Variants in DOCK8 observed in about 807,000 individuals in gnomAD.
DOCK8 encodes dedicator of cytokinesis 8.
DOCK8 carries 141 observed loss-of-function variants against 245.6 expected under a neutral mutation model. The observed-to-expected ratio is 0.57, with a 90% CI of 0.50 to 0.66. The LOEUF is 0.66. Ranked by LOEUF, DOCK8 falls within the 30% of genes least tolerant of loss-of-function variation. The pLI is 0.00. For missense variants in DOCK8, 2,965 were observed against 2,603.4 expected (o/e 1.14, Z -3.02); for synonymous variants, 1,168 against 970.2 (o/e 1.20, Z -3.79).
intron 14 of DOCK8, among the ~76,000 whole-genome samples, chr9:354,616 G>T (rs1017074943): frequency 1.3e-5 from 2 of 152,164 alleles, no homozygotes; most frequent in African/African-American, 4.8e-5. Flanking sequence ...CTAGGCTGCC[G>T]TCACCTCAAG....
chr9:359,959 C>T (rs1188552301), intron 14 of DOCK8, among the ~76,000 whole-genome samples: 4 of 152,076 alleles, frequency 2.6e-5, no homozygotes, highest in African/African-American at 9.7e-5. Context: ...GGTGTTGTAT[C>T]AGAATTGCAT....
At chr9:301,608 C>G (rs1046756272) in intron 4 of DOCK8, among the ~76,000 whole-genome samples, 3 of 152,144 alleles carry the variant, frequency 2.0e-5, no homozygotes, top group African/African-American at 7.2e-5. Flanking sequence ...CACTGCAGAC[C>G]CTGCTAAAAG....
chr9:231,148 T>C (rs1361519011), intron 1 of DOCK8, among the ~76,000 whole-genome samples: 2 of 151,686 alleles, frequency 1.3e-5, no homozygotes, highest in African/African-American at 2.4e-5. Flanking sequence ...GCACCATTTA[T>C]TAAATAGGGA....
chr9:451,975 A>ATGTG (rs2057473742), intron 45 of DOCK8, 36 bp from the exon 46 acceptor site: 8 of 225,230 alleles, frequency 3.6e-5, no homozygotes, highest in African/African-American at 2.6e-4. Context: ...ATATATATAT[A>ATGTG]TATTTTTTTT....
chr9:325,822 C>G, intron 8 of DOCK8, 85 bp downstream of exon 8: 2 of 1,244,008 alleles, frequency 1.6e-6, no homozygotes, highest in Middle Eastern at 1.9e-4. Flanking sequence ...TTCTTTGCAG[C>G]AAGAACCTAT....
intron 44 of DOCK8, among the ~76,000 whole-genome samples, chr9:447,557 G>A (rs1044999138): frequency 2.6e-5 from 4 of 152,022 alleles, no homozygotes; most frequent in African/African-American, 9.7e-5. Context: ...TAATATGACA[G>A]GAATTTTTAT....
chr9:403,165 A>G (rs931806309), intron 26 of DOCK8, among the ~76,000 whole-genome samples: 14 of 152,194 alleles, frequency 9.2e-5, no homozygotes, highest in Non-Finnish European at 1.9e-4. Flanking sequence ...CTGGGATTAC[A>G]GGTGTGAGCC....
At chr9:300,362 C>G (rs554952844) in intron 4 of DOCK8, among the ~76,000 whole-genome samples, 28 of 152,182 alleles carry the variant, frequency 1.8e-4, no homozygotes, top group African/African-American at 6.5e-4. Context: ...CCAATATCAC[C>G]TCATGTCCCT....
At position 225,774 on chromosome 9, in the gene DOCK8, T is replaced by G. The variant is rs186390031; in HGVS notation, c.53+10745T>G. 2.1e-3 allele frequency among the ~76,000 whole-genome samples: 325 copies of G among 152,208 alleles called. 1 individual carries two copies. Among genetic ancestry groups the G allele is most frequent in the African/African-American group, 7.6e-3 (315 of 41,522 alleles). ...GATACAGAGAATGTAAACGGGCCAT[T>G]GAGAGGGCATGGATTCTTTAGATGG... is the stretch of plus-strand genomic sequence containing the variant. On this transcript the variant is annotated intron_variant, in intron 1 of 47. Coordinates refer to ENST00000432829, the MANE Select transcript of DOCK8 (RefSeq NM_203447.4).
At chr9:214,808 T>C, upstream of DOCK8, 1 of 1,587,700 alleles carries the variant, frequency 6.3e-7, no homozygotes, top group Admixed American at 1.7e-5. Context: ...GCTCGGACCC[T>C]CCCCCGGGGT....
chr9:372,131 C>A, intron 17 of DOCK8, 54 bp from the exon 18 acceptor site: 1 of 1,475,372 alleles, frequency 6.8e-7, no homozygotes, highest in Non-Finnish European at 9.5e-7. Context: ...GATAAATTAT[C>A]AGAATTATAT....
chr9:345,624 C>A (rs1258648328), intron 14 of DOCK8, among the ~76,000 whole-genome samples: 5 of 152,182 alleles, frequency 3.3e-5, no homozygotes, highest in African/African-American at 1.2e-4. Flanking sequence ...TGCCATAGTG[C>A]CTCAGGTAAA....
chr9:304,749 C>A, intron 5 of DOCK8, 45 bp downstream of exon 5: 1 of 1,613,248 alleles, frequency 6.2e-7, no homozygotes, highest in East Asian at 2.2e-5. Context: ...CTGGGCTCTT[C>A]TGCCCAGGGC....
At chr9:446,070 G>A (rs1470464982) in intron 43 of DOCK8, among the ~76,000 whole-genome samples, 4 of 152,246 alleles carry the variant, frequency 2.6e-5, no homozygotes, top group Non-Finnish European at 4.4e-5. Context: ...TGGAATAGCA[G>A]TTTGCAAACT....
In DOCK8 at chr9:317,099, C is replaced by T; in HGVS notation, c.798C>T (p.Asn266=). The T allele has an allele frequency of 6.2e-7, 1 of 1,613,972 alleles. No individual in the cohort carries two copies. Among genetic ancestry groups the T allele is most frequent in the Non-Finnish European group, 8.5e-7 (1 of 1,179,852 alleles). The change falls in exon 7 of 48, where the codon AAC becomes AAT. Residue 266 remains asparagine, a synonymous_variant. Coordinates refer to ENST00000432829, the MANE Select transcript of DOCK8 (RefSeq NM_203447.4). ...AATGTCCCAAGGAACACCTGGGCAA[C>T]AGAATATTGGTCAAGTTGCTGACCT... ...VPECPKEHLG[N]RILVKLLTLK...
intron 26 of DOCK8, among the ~76,000 whole-genome samples, chr9:400,252 A>G (rs1247576017): frequency 2.1e-5 from 2 of 97,422 alleles, no homozygotes; most frequent in African/African-American, 4.4e-5. Context: ...CACCTCCACC[A>G]TCACCACCAC....
chr9:449,622 C>T (rs1471474129), intron 44 of DOCK8, among the ~76,000 whole-genome samples, 162 bp from the exon 45 acceptor site: 1 of 152,134 alleles, frequency 6.6e-6, no homozygotes, highest in Non-Finnish European at 1.5e-5. Flanking sequence ...AAATGTTAGG[C>T]CCATCTTTCT....
intron 1 of DOCK8, among the ~76,000 whole-genome samples, chr9:218,774 A>G (rs1181570137): frequency 1.3e-5 from 2 of 152,250 alleles, no homozygotes; most frequent in African/African-American, 2.4e-5. Context: ...GCAGAAAAAA[A>G]CATTAACCCT....
At position 262,770 on chromosome 9, in the gene DOCK8, TTAAA is replaced by T. The variant is rs572542086; in HGVS notation, c.54-8854_54-8851del. ...GTCAAAGCTTATCTAATTGTATACT[TTAAA>T]TATGTGCAGTTCATTGCCAGCTAAT... On this transcript the variant is annotated intron_variant, in intron 1 of 47. Coordinates refer to ENST00000432829, the MANE Select transcript of DOCK8 (RefSeq NM_203447.4). 2.0e-4 allele frequency among the ~76,000 whole-genome samples: 30 copies of T among 152,266 alleles called. No individual in the cohort carries two copies. In the South Asian group the frequency reaches 3.5e-3, roughly 18 times the overall value.
Sources: gnomAD v4.1 joint callset for allele counts (sites outside exome capture counted in the v4.1 genomes callset) on GRCh38, gnomAD v4.1.1 for gene constraint, MANE v1.5 for transcripts, NCBI Gene and HGNC (gene_info 2026-07-23, HGNC 2026-07-21) for gene names.